The following ZNF214 variants were observed in gnomAD, a reference collection of about 807,000 sequenced individuals.
The protein encoded by ZNF214 is BWSCR2-associated zinc finger protein 1.
Under a neutral mutation model 53.9 loss-of-function variants are expected in ZNF214, and 43 were observed. That is an observed-to-expected ratio of 0.80 (90% CI 0.63 to 1.03). The LOEUF (loss-of-function observed/expected upper bound fraction) is 1.03, where lower values mean the gene tolerates loss of function less well. ZNF214 is among the 50% of genes least tolerant of loss of function. ZNF214 has a pLI of 0.00. For synonymous variants in ZNF214, 217 were observed against 229.5 expected, an observed-to-expected ratio of 0.95 and a Z score of 0.49; for missense variants, 724 against 719.1, an observed-to-expected ratio of 1.01 and a Z score of -0.08.
At chr11:7,004,559 G>C (rs1851431585) in intron 1 of ZNF214, among the ~76,000 whole-genome samples, 1 of 152,056 alleles carries the variant, frequency 6.6e-6, no homozygotes, top group Admixed American at 6.6e-5. Context: ...AAATAAAGTG[G>C]ATAAGGAAGT....
chr11:7,005,095 C>A (rs895999834), intron 1 of ZNF214, among the ~76,000 whole-genome samples: 4 of 151,512 alleles, frequency 2.6e-5, no homozygotes, highest in African/African-American at 9.7e-5. Flanking sequence ...TTAAATATAT[C>A]ATATTTCTAT....
chr11:7,006,454 G>C (rs188057728), intron 1 of ZNF214, among the ~76,000 whole-genome samples: 24 of 152,080 alleles, frequency 1.6e-4, no homozygotes, highest in African/African-American at 5.5e-4. Flanking sequence ...CTGGAGTTTT[G>C]ATTCCTTCTT....
At chr11:7,014,865 G>T (rs1038809987) in intron 1 of ZNF214, among the ~76,000 whole-genome samples, 45 of 150,100 alleles carry the variant, frequency 3.0e-4, no homozygotes, top group Admixed American at 2.0e-3. Context: ...AGTGTGCTGA[G>T]ATCACGCTAC....
Position 7,001,064 on chromosome 11 carries a change from C to T in ZNF214, c.619G>A (p.Glu207Lys), listed in dbSNP as rs758691716. 1.9e-6 allele frequency: 3 copies of T among 1,613,322 alleles called. No homozygotes were observed. The highest frequency in any genetic ancestry group is 1.7e-6 in the Non-Finnish European group (2 of 1,179,594). Residue 207 changes from glutamate (E) to lysine (K), a missense_variant, in exon 3 of 3, where the codon GAA (glutamate) becomes AAA (lysine). Physicochemically the swap from Glu to Lys is moderately conservative, Grantham distance 56. Transcript: ENST00000278314. The stretch of plus-strand genomic sequence containing the variant: ...TCCATTGAATCTCTCAGTAGGTCTT[C>T]TTGACATATCACCCCAACATACTGT... ...LPQYVGVICQ[E>K]DLLRDSMEEK...
At chr11:7,013,730 T>C (rs1851674125) in intron 1 of ZNF214, among the ~76,000 whole-genome samples, 1 of 152,194 alleles carries the variant, frequency 6.6e-6, no homozygotes, top group Admixed American at 6.5e-5. Flanking sequence ...CGACCTGGTG[T>C]TGGGTCTGAT....
intron 1 of ZNF214, among the ~76,000 whole-genome samples, chr11:7,013,743 C>G (rs1008209261): frequency 6.6e-5 from 10 of 152,154 alleles, no homozygotes; most frequent in African/African-American, 2.4e-4. Context: ...GGTCTGATCA[C>G]CCCAACAATA....
chr11:7,019,719 C>T (rs1742523588), intron 1 of ZNF214: 1 of 152,236 alleles, frequency 6.6e-6, no homozygotes, highest in African/African-American at 2.4e-5. Flanking sequence ...CCACCCCAGT[C>T]CTTCCTTGCT....
intron 1 of ZNF214, among the ~76,000 whole-genome samples, chr11:7,014,910 TAAAAAG>T (rs1851723024): frequency 1.3e-5 from 2 of 151,854 alleles, no homozygotes; most frequent in African/African-American, 4.8e-5. Context: ...CAGTCTGTCT[TAAAAAG>T]AAAAAACAGT....
chr11:7,002,820 CA>C lies in ZNF214; in HGVS notation c.15del (p.Phe5LeufsTer4). 1 of 1,601,680 alleles carries C rather than the reference CA, an allele frequency of 6.2e-7. No individual in the cohort carries two copies. The highest frequency in any genetic ancestry group is 1.1e-5 in the South Asian group (1 of 88,622). On this transcript the variant is annotated frameshift_variant, in exon 2 of 3. Coordinates refer to ENST00000278314, the MANE Select transcript of ZNF214 (RefSeq NM_013249.4). LOFTEE classifies it high-confidence loss of function. Reference sequence around the variant, plus strand: ...CATGTAAAAATAATAGTCACATCTTCAAATGTTACTGCCATCTGGTCAAAGA... The same window carrying C: ...CATGTAAAAATAATAGTCACATCTTCAATGTTACTGCCATCTGGTCAAAGA... MAVTFEDVTIIFTWE... is the reference protein window; with the variant it reads MAVTXEDVTIIFTWE...
Position 7,000,948 on chromosome 11 carries a change from G to A in ZNF214, c.735C>T (p.Asn245=), listed in dbSNP as rs868698681. 7 of 1,612,908 alleles carry A rather than the reference G, an allele frequency of 4.3e-6. No individual in the cohort carries two copies. In the Middle Eastern group the frequency reaches 6.6e-4, roughly 152 times the overall value. The change falls in exon 3 of 3, where the codon AAC becomes AAT. Residue 245 remains asparagine, a synonymous_variant. Transcript: ENST00000278314. ...VFHKRNQPGE[N]LCQCSICKAC... is the part of the protein sequence containing the mutation. ...CTTTACAGATGGAGCATTGACAGAG[G>A]TTTTCTCCAGGTTGATTTCTCTTGT...
At chr11:7,019,076 A>G (rs1330740310) in intron 1 of ZNF214, among the ~76,000 whole-genome samples, 2 of 152,198 alleles carry the variant, frequency 1.3e-5, no homozygotes, top group Non-Finnish European at 2.9e-5. Flanking sequence ...GGATCAGACT[A>G]TGAGGGAAAC....
Position 7,001,077 on chromosome 11 carries a change from C to T in ZNF214, c.606G>A (p.Gly202=), listed in dbSNP as rs1259747984. 6.2e-7 allele frequency: 1 copy of T among 1,613,214 alleles called. No individual in the cohort carries two copies. Among genetic ancestry groups the T allele is most frequent in the Non-Finnish European group, 8.5e-7 (1 of 1,179,552 alleles). Residue 202 remains glycine (G), a synonymous_variant, in exon 3 of 3, where the codon GGG becomes GGA. Transcript: ENST00000278314. ...TCAGTAGGTCTTCTTGACATATCAC[C>T]CCAACATACTGTGGAAGGGCTTCCT... The part of the protein sequence containing the change: ...PVEEALPQYV[G]VICQEDLLRD...
At chr11:7,015,216 T>A (rs1323803876) in intron 1 of ZNF214, among the ~76,000 whole-genome samples, 1 of 151,888 alleles carries the variant, frequency 6.6e-6, no homozygotes, top group Non-Finnish European at 1.5e-5. Context: ...GAATATAAAT[T>A]CCTAAAAATA....
In ZNF214 at chr11:7,000,830, G is replaced by T. The variant is rs771053185; in HGVS notation, c.853C>A (p.His285Asn). 2 of 1,611,966 alleles carry T rather than the reference G, an allele frequency of 1.2e-6. No homozygotes were observed. Among genetic ancestry groups the T allele is most frequent in the East Asian group, 4.5e-5 (2 of 44,850 alleles). The change falls in exon 3 of 3, where the codon CAT (histidine) becomes AAT (asparagine). Residue 285 changes from histidine to asparagine, a missense_variant. His to Asn is a moderately conservative substitution (Grantham distance 68). Transcript: ENST00000278314. ...TGAAAGTGAACTCCGGAGCTCTGATGAAAGTTACCGTCAACTTCATCACAT... is the reference window on the plus strand; with the variant it reads ...TGAAAGTGAACTCCGGAGCTCTGATTAAAGTTACCGTCAACTTCATCACAT... ...YGCDEVDGNF[H>N]QSSGVHFHQR... is the part of the protein sequence containing the mutation.
Position 6,998,661 on chromosome 11 carries a change from C to T in ZNF214, c.*1201G>A, listed in dbSNP as rs1196340478. Among the ~76,000 whole-genome samples the T allele has an allele frequency of 6.6e-6, 1 of 151,868 alleles. No homozygotes were observed. Among genetic ancestry groups the T allele is most frequent in the African/African-American group, 2.4e-5 (1 of 41,366 alleles). ...GATACTCTTCTCTACTTGTATATTTCTACTCTATCTTTACTGAGTTCAGAT... is the reference window on the plus strand; with the variant it reads ...GATACTCTTCTCTACTTGTATATTTTTACTCTATCTTTACTGAGTTCAGAT... On this transcript the variant is annotated 3_prime_UTR_variant, in exon 3 of 3. Transcript: ENST00000278314.
chr11:7,000,506 T>C lies in ZNF214; in HGVS notation c.1177A>G (p.Lys393Glu), dbSNP rs760492873. 1 of 1,612,814 alleles carries C rather than the reference T, an allele frequency of 6.2e-7. No individual in the cohort carries two copies. Residue 393 changes from lysine (K) to glutamate (E), a missense_variant, in exon 3 of 3, where the codon AAG (lysine) becomes GAG (glutamate). By Grantham distance (56) the Lys-to-Glu change is moderately conservative. Coordinates refer to ENST00000278314, the MANE Select transcript of ZNF214 (RefSeq NM_013249.4). Reference protein sequence around the residue: ...EKPYKCDECGKGFSQSSNLRI... With the variant: ...EKPYKCDECGEGFSQSSNLRI... ...AGATTTGAGCTCTGGCTGAAACCCT[T>C]ACCACACTCATCACACTTATATGGT...
At position 6,999,347 on chromosome 11, in the gene ZNF214, T is replaced by C. The variant is rs547373240; in HGVS notation, c.*515A>G. 6.5e-6 allele frequency: 1 copy of C among 153,062 alleles called. No homozygotes were observed. Among genetic ancestry groups the C allele is most frequent in the African/African-American group, 2.4e-5 (1 of 41,538 alleles). The allele number at this position is 153,062 out of a possible 1,614,324, so 9.5% of individuals were successfully genotyped here. Reference sequence around the variant, plus strand: ...CTTTCCTATCTTTTATTAGGTGGCTTTTGTCCATAAACAATTGAATTCTAC... The same window carrying C: ...CTTTCCTATCTTTTATTAGGTGGCTCTTGTCCATAAACAATTGAATTCTAC... On this transcript the variant is annotated 3_prime_UTR_variant, in exon 3 of 3. Coordinates refer to ENST00000278314, the MANE Select transcript of ZNF214 (RefSeq NM_013249.4).
At position 7,000,484 on chromosome 11, in the gene ZNF214, T is replaced by A. The variant is rs991057186; in HGVS notation, c.1199A>T (p.Asn400Ile). The A allele has an allele frequency of 3.7e-6, 6 of 1,613,080 alleles. No homozygotes were observed. In the Admixed American group the frequency reaches 5.0e-5, roughly 13 times the overall value. ...ECGKGFSQSS[N>I]LRIHQLVHTG... ...GTGTACTAACTGATGAATTCGAAGA[T>A]TTGAGCTCTGGCTGAAACCCTTACC... The change falls in exon 3 of 3, where the codon AAT becomes ATT. Residue 400 changes from asparagine (N) to isoleucine (I), a missense_variant. Coordinates refer to ENST00000278314, the MANE Select transcript of ZNF214 (RefSeq NM_013249.4).
rs1264794833 is a variant in ZNF214, at chr11:6,997,629, G to A, written c.*2233C>T. ...CCTTTCTTAAATTGTCATTCAAAAA[G>A]AAAATGTTATTATGAGTCCCTGCTA... On this transcript the variant is annotated 3_prime_UTR_variant, in exon 3 of 3. Coordinates refer to ENST00000278314, the MANE Select transcript of ZNF214 (RefSeq NM_013249.4). 1.4e-5 allele frequency among the ~76,000 whole-genome samples: 2 copies of A among 144,988 alleles called. No individual in the cohort carries two copies. Among genetic ancestry groups the A allele is most frequent in the Admixed American group, 1.4e-4 (2 of 14,472 alleles).
Sources: gnomAD v4.1 joint callset for allele counts (sites outside exome capture counted in the v4.1 genomes callset) on GRCh38, gnomAD v4.1.1 for gene constraint, MANE v1.5 for transcripts, NCBI Gene and HGNC (gene_info 2026-07-23, HGNC 2026-07-21) for gene names.